PRKCI: variants seen among roughly 807,000 people sequenced by gnomAD.
PRKCI encodes protein kinase C iota type.
Under a neutral mutation model 84.0 loss-of-function variants are expected in PRKCI, and 43 were observed. The observed-to-expected ratio is 0.51, with a 90% CI of 0.40 to 0.66. The LOEUF (loss-of-function observed/expected upper bound fraction) is 0.66. Ranked by LOEUF, PRKCI falls within the 30% of genes least tolerant of loss-of-function variation. PRKCI has a pLI of 0.00. For synonymous variants in PRKCI, 216 were observed against 234.4 expected, an observed-to-expected ratio of 0.92 and a Z score of 0.72; for missense variants, 459 against 745.6, an observed-to-expected ratio of 0.62 and a Z score of 4.48.
At chr3:170,281,713 T>C in intron 10 of PRKCI, 169 bp from the exon 11 acceptor site, 1 of 795,136 alleles carries the variant, frequency 1.3e-6, no homozygotes, top group East Asian at 3.1e-5. Context: ...GCTGGTTTAC[T>C]TTCTCGTATG....
At chr3:170,239,837 A>G (rs563628622) in intron 2 of PRKCI, among the ~76,000 whole-genome samples, 1 of 151,642 alleles carries the variant, frequency 6.6e-6, no homozygotes, top group African/African-American at 2.4e-5. Flanking sequence ...GAGCAATACT[A>G]AATAATACTA....
In PRKCI at chr3:170,222,750, G is replaced by T; in HGVS notation, c.81G>T (p.Arg27=). 1 of 1,610,976 alleles carries T rather than the reference G, an allele frequency of 6.2e-7. No individual in the cohort carries two copies. Residue 27 remains arginine, a synonymous_variant, in exon 1 of 18, where the codon CGG becomes CGT. Coordinates refer to ENST00000295797, the MANE Select transcript of PRKCI (RefSeq NM_002740.6). ...GCGGGGACCATTCCCACCAGGTCCGGGTGAAAGCCTACTACCGCGGGTGAG... is the reference window on the plus strand; with the variant it reads ...GCGGGGACCATTCCCACCAGGTCCGTGTGAAAGCCTACTACCGCGGGTGAG... ...GGSGDHSHQV[R]VKAYYRGDIM...
At chr3:170,247,732 A>G (rs1032432997) in intron 2 of PRKCI, among the ~76,000 whole-genome samples, 12 of 89,618 alleles carry the variant, frequency 1.3e-4, no homozygotes, top group Admixed American at 5.2e-4. Context: ...CTCTGTCTCA[A>G]AAAAAAAAAA....
chr3:170,241,311 T>C (rs1325546873), intron 2 of PRKCI, among the ~76,000 whole-genome samples: 1 of 152,192 alleles, frequency 6.6e-6, no homozygotes, highest in Non-Finnish European at 1.5e-5. Context: ...ACCACAACCT[T>C]GTACCCTTTA....
chr3:170,246,824 A>G (rs1733300606), intron 2 of PRKCI, among the ~76,000 whole-genome samples: 1 of 152,072 alleles, frequency 6.6e-6, no homozygotes, highest in African/African-American at 2.4e-5. Context: ...ATAACTCCCT[A>G]TCCCTCCTTT....
chr3:170,236,955 G>T (rs1211100791), intron 2 of PRKCI, among the ~76,000 whole-genome samples: 4 of 138,218 alleles, frequency 2.9e-5, no homozygotes, highest in Non-Finnish European at 6.6e-5. Context: ...CCCATAGTCT[G>T]ATAGGGAGAT....
At chr3:170,277,650 T>C (rs1007206372) in intron 8 of PRKCI, among the ~76,000 whole-genome samples, 5 of 146,952 alleles carry the variant, frequency 3.4e-5, no homozygotes, top group African/African-American at 1.3e-4. Context: ...GCAGAGACTG[T>C]ACCAGTGCAC....
chr3:170,235,329 C>A lies in PRKCI; in HGVS notation c.201C>A (p.Thr67=), dbSNP rs2108837236. Residue 67 remains threonine, a synonymous_variant, in exon 2 of 18, where the codon ACC becomes ACA. Coordinates refer to ENST00000295797, the MANE Select transcript of PRKCI (RefSeq NM_002740.6). Reference sequence around the variant, plus strand: ...CTTTTGACAACGAACAGCTCTTCACCATGAAATGGATAGATGAGGAAGGTG... The same window carrying A: ...CTTTTGACAACGAACAGCTCTTCACAATGAAATGGATAGATGAGGAAGGTG... ...MCSFDNEQLF[T]MKWIDEEGDP... The A allele has an allele frequency of 1.2e-6, 2 of 1,614,006 alleles. No homozygotes were observed. Among genetic ancestry groups the A allele is most frequent in the East Asian group, 2.2e-5 (1 of 44,872 alleles).
At chr3:170,274,526 G>A (rs974812320) in intron 7 of PRKCI, among the ~76,000 whole-genome samples, 60 of 152,304 alleles carry the variant, frequency 3.9e-4, no homozygotes, top group African/African-American at 1.4e-3. Context: ...CAGGAAGATG[G>A]TGTAACTGAA....
chr3:170,281,319 C>A, intron 10 of PRKCI, 56 bp downstream of exon 10: 1 of 1,417,142 alleles, frequency 7.1e-7, no homozygotes, highest in Non-Finnish European at 1.0e-6. Context: ...GGTCATATTA[C>A]ACAGTTAGAA....
chr3:170,303,583 T>C lies in PRKCI; in HGVS notation c.*456T>C, dbSNP rs1234747148. ...AACTTTTTATATTACCTATTAGTTT[T>C]GGAGTTCTTTATGTTTAAAAATTCA... On this transcript the variant is annotated 3_prime_UTR_variant, in exon 18 of 18. Transcript: ENST00000295797. 4.4e-6 allele frequency: 1 copy of C among 228,094 alleles called. No homozygotes were observed. The highest frequency in any genetic ancestry group is 2.2e-5 in the African/African-American group (1 of 45,106). 14.1% of individuals were successfully genotyped at this position (228,094 alleles called of 1,614,324 possible). A position where few individuals can be genotyped will look rare whatever the true frequency, so the allele number is the denominator to read the frequency against.
At chr3:170,293,108 A>G (rs1427533115) in intron 13 of PRKCI, among the ~76,000 whole-genome samples, 1 of 152,040 alleles carries the variant, frequency 6.6e-6, no homozygotes, top group Non-Finnish European at 1.5e-5. Flanking sequence ...TCAACACACA[A>G]TATTAGATAT....
intron 12 of PRKCI, among the ~76,000 whole-genome samples, chr3:170,286,340 AT>A (rs940520974): frequency 1.3e-5 from 2 of 151,716 alleles, no homozygotes; most frequent in Admixed American, 1.3e-4. Context: ...TCTCTGTGTC[AT>A]TTTTTTTCCT....
At chr3:170,255,465 G>A (rs925710236) in intron 2 of PRKCI, among the ~76,000 whole-genome samples, 7 of 152,020 alleles carry the variant, frequency 4.6e-5, no homozygotes, top group Non-Finnish European at 1.0e-4. Context: ...TATTTGCTGT[G>A]GCATATAGAA....
At chr3:170,277,898 T>G (rs1481208360) in intron 8 of PRKCI, among the ~76,000 whole-genome samples, 1 of 152,174 alleles carries the variant, frequency 6.6e-6, no homozygotes, top group East Asian at 1.9e-4. Context: ...TTTACCCTTT[T>G]TGTTTTTCTT....
rs755032468 is a variant in PRKCI at position 170,284,442 on chromosome 3, A to G, written c.1068-19A>G. On this transcript the variant is annotated intron_variant, in intron 11 of 17. Coordinates refer to ENST00000295797, the MANE Select transcript of PRKCI (RefSeq NM_002740.6). Reference sequence around the variant, plus strand: ...TAAATATGGTTGAATCAAATGACTTATTTTTTATTTAATTTTAGATTTTAC... The same window carrying G: ...TAAATATGGTTGAATCAAATGACTTGTTTTTTATTTAATTTTAGATTTTAC... The G allele has an allele frequency of 6.6e-7, 1 of 1,525,486 alleles. No individual in the cohort carries two copies. The highest frequency in any genetic ancestry group is 9.0e-7 in the Non-Finnish European group (1 of 1,117,028). 94.5% of individuals were successfully genotyped at this position (1,525,486 alleles called of 1,614,324 possible). A position where few individuals can be genotyped will look rare whatever the true frequency, so the allele number is the denominator to read the frequency against.
rs1044535364 is a variant in PRKCI, at chr3:170,287,178, T to C, written c.1203+2582T>C. On this transcript the variant is annotated intron_variant, in intron 12 of 17. Coordinates refer to ENST00000295797, the MANE Select transcript of PRKCI (RefSeq NM_002740.6). ...GGCAAAACTCCATCTCTACAAAAAA[T>C]AGGAAAATTACACTGGGTTGGTTGT... is the stretch of plus-strand genomic sequence containing the variant. 3.3e-5 allele frequency among the ~76,000 whole-genome samples: 5 copies of C among 151,538 alleles called. No individual in the cohort carries two copies. The East Asian group carries it at 9.7e-4, about 29-fold the overall frequency.
At chr3:170,297,811 A>G (rs369144739) in intron 16 of PRKCI, among the ~76,000 whole-genome samples, 6 of 152,186 alleles carry the variant, frequency 3.9e-5, no homozygotes, top group African/African-American at 1.4e-4. Context: ...TAAAAACTTA[A>G]AACCACTTTC....
intron 3 of PRKCI, among the ~76,000 whole-genome samples, chr3:170,261,475 A>G (rs890630372): frequency 1.3e-5 from 2 of 150,392 alleles, no homozygotes; most frequent in Non-Finnish European, 3.0e-5. Context: ...AAAAAAAAAA[A>G]CAGTGGTTTG....
Sources: gnomAD v4.1 joint callset for allele counts (sites outside exome capture counted in the v4.1 genomes callset) on GRCh38, gnomAD v4.1.1 for gene constraint, MANE v1.5 for transcripts, NCBI Gene and HGNC (gene_info 2026-07-23, HGNC 2026-07-21) for gene names.